ZNF787: variants seen among roughly 807,000 people sequenced by gnomAD.
ZNF787 encodes TTF-I-interacting peptide 20.
Under a neutral mutation model 16.9 loss-of-function variants are expected in ZNF787, and 7 were observed. That is an observed-to-expected ratio of 0.42 (90% confidence interval 0.24 to 0.78). The LOEUF is 0.78. Ranked by LOEUF, ZNF787 falls within the 30% of genes least tolerant of loss-of-function variation. The pLI is 0.30. For missense variants in ZNF787, 551 were observed against 589.3 expected (o/e 0.94, Z 0.67); for synonymous variants, 345 against 270.9 (o/e 1.27, Z -2.69).
At position 56,089,062 on chromosome 19, in the gene ZNF787, A is replaced by T. The variant is rs1985470020; in HGVS notation, c.110T>A (p.Val37Asp). The part of the protein sequence containing the change: ...VDILIMDDDD[V>D]PSWPPTKLSP... ...CAGCTTGGTGGGAGGCCAGCTGGGG[A>T]CGTCGTCATCATCCATGATGAGGAT... is the stretch of plus-strand genomic sequence containing the variant. The change falls in exon 3 of 3, where the codon GTC becomes GAC. Residue 37 changes from valine (V) to aspartate (D), a missense_variant. Physicochemically the swap from Val to Asp is radical, Grantham distance 152. Transcript: ENST00000610935. 1 of 1,466,368 alleles carries T rather than the reference A, an allele frequency of 6.8e-7. No individual in the cohort carries two copies. Among genetic ancestry groups the T allele is most frequent in the Non-Finnish European group, 9.0e-7 (1 of 1,111,626 alleles). The allele number at this position is 1,466,368 out of a possible 1,614,324, so 90.8% of individuals were successfully genotyped here.
intron 2 of ZNF787, among the ~76,000 whole-genome samples, chr19:56,096,093 A>G (rs1255181113): frequency 6.6e-6 from 1 of 152,016 alleles, no homozygotes; most frequent in African/African-American, 2.4e-5. Flanking sequence ...CCATCACCCA[A>G]CACTCAGAAC....
chr19:56,117,023 G>A (rs2030155963), intron 1 of ZNF787, among the ~76,000 whole-genome samples: 1 of 152,174 alleles, frequency 6.6e-6, no homozygotes, highest in Non-Finnish European at 1.5e-5. Context: ...GGGACAAGAG[G>A]ACAGCCGTTC....
At position 56,087,945 on chromosome 19, in the gene ZNF787, T is replaced by TG; in HGVS notation, c.*77dup. The TG allele has an allele frequency of 5.4e-6, 7 of 1,292,074 alleles. No homozygotes were observed. The highest frequency in any genetic ancestry group is 6.9e-6 in the Non-Finnish European group (7 of 1,021,146). 80.0% of individuals were successfully genotyped at this position (1,292,074 alleles called of 1,614,324 possible). On this transcript the variant is annotated 3_prime_UTR_variant, in exon 3 of 3. Coordinates refer to ENST00000610935, the MANE Select transcript of ZNF787 (RefSeq NM_001002836.4). ...CCATCGCACCCCGTCCGCTTCTCCC[T>TG]GGGTCTCTTGGTCTTGCACGTCGTC...
chr19:56,098,499 C>T (rs964115731), intron 2 of ZNF787, among the ~76,000 whole-genome samples: 1 of 143,398 alleles, frequency 7.0e-6, no homozygotes, highest in Non-Finnish European at 1.5e-5. Flanking sequence ...CGGGTGATTA[C>T]GGCCGCAGGG....
chr19:56,087,877 CGCAGGGACAGAGGAGG>C lies in ZNF787; in HGVS notation c.*130_*145del. ...CGCCCCAGTGCCCCCCCACGGACGG[CGCAGGGACAGAGGAGG>C]GCGGGGAGCCGGGGATGCCGCGGGG... On this transcript the variant is annotated 3_prime_UTR_variant, in exon 3 of 3. Coordinates refer to ENST00000610935, the MANE Select transcript of ZNF787 (RefSeq NM_001002836.4). 8.0e-7 allele frequency: 1 copy of C among 1,245,124 alleles called. No individual in the cohort carries two copies. Among genetic ancestry groups the C allele is most frequent in the South Asian group, 2.4e-5 (1 of 42,028 alleles). 77.1% of individuals were successfully genotyped at this position (1,245,124 alleles called of 1,614,324 possible).
intron 1 of ZNF787, among the ~76,000 whole-genome samples, chr19:56,110,395 AT>A (rs1368314286): frequency 6.6e-6 from 1 of 152,112 alleles, no homozygotes; most frequent in Non-Finnish European, 1.5e-5. Context: ...GAAAAACGAA[AT>A]GTTGTAATAC....
At chr19:56,096,971 G>A (rs1170303696) in intron 2 of ZNF787, among the ~76,000 whole-genome samples, 1 of 152,092 alleles carries the variant, frequency 6.6e-6, no homozygotes, top group East Asian at 1.9e-4. Context: ...AACTCCATCT[G>A]GGGTCATCAG....
In ZNF787 at chr19:56,088,415, C is replaced by A; in HGVS notation, c.757G>T (p.Ala253Ser). The part of the protein sequence containing the change: ...IIVVGAPGEG[A>S]AAAAAMAGAG... ...CCCGCCATGGCTGCCGCGGCCGCGG[C>A]CCCCTCGCCCGGCGCGCCCACCACG... The change falls in exon 3 of 3, where the codon GCC becomes TCC. Residue 253 changes from alanine (A) to serine (S), a missense_variant. Around this residue, in one of 4 missense-constraint regions of ZNF787, gnomAD observed 392 missense variants for 312.7 expected, o/e 1.25. Coordinates refer to ENST00000610935, the MANE Select transcript of ZNF787 (RefSeq NM_001002836.4). The surrounding 1 kb of genome is among the most constrained non-coding windows in gnomAD (Gnocchi z 8.6). 1.8e-6 allele frequency: 2 copies of A among 1,138,758 alleles called. No individual in the cohort carries two copies. The highest frequency in any genetic ancestry group is 9.2e-5 in the East Asian group (2 of 21,834). The allele number at this position is 1,138,758 out of a possible 1,614,324, so 70.5% of individuals were successfully genotyped here.
chr19:56,095,206 G>T (rs1218434435), intron 2 of ZNF787, among the ~76,000 whole-genome samples: 1 of 152,168 alleles, frequency 6.6e-6, no homozygotes, highest in African/African-American at 2.4e-5. Flanking sequence ...CGCTGACCTG[G>T]CAGAAGGCGG....
At chr19:56,090,370 A>G (rs1237699818) in intron 2 of ZNF787, among the ~76,000 whole-genome samples, 1 of 152,164 alleles carries the variant, frequency 6.6e-6, no homozygotes, top group African/African-American at 2.4e-5. Flanking sequence ...GAAGCGCATT[A>G]GTAGACTGGG....
chr19:56,103,032 C>G (rs559388281), intron 2 of ZNF787, 107 bp downstream of exon 2: 2 of 1,330,230 alleles, frequency 1.5e-6, no homozygotes, highest in Non-Finnish European at 2.1e-6. Flanking sequence ...CCCAGGGCCC[C>G]AAGAGGGGAA....
intron 1 of ZNF787, among the ~76,000 whole-genome samples, chr19:56,108,257 C>A (rs866861670): frequency 4.6e-5 from 7 of 150,640 alleles, no homozygotes; most frequent in Middle Eastern, 3.4e-3. Flanking sequence ...CGCCCCTGCC[C>A]AGCACTCCCT....
intron 1 of ZNF787, among the ~76,000 whole-genome samples, chr19:56,106,225 C>CT (rs769280508): frequency 1.3e-5 from 2 of 152,162 alleles, no homozygotes; most frequent in Non-Finnish European, 2.9e-5. Flanking sequence ...TCCTGCGTGT[C>CT]TGACTCTTCC....
chr19:56,112,573 G>A (rs756087914), intron 1 of ZNF787, among the ~76,000 whole-genome samples: 47 of 132,088 alleles, frequency 3.6e-4, no homozygotes, highest in East Asian at 3.5e-3. Context: ...CCGCACTCTC[G>A]GAAGCAACTC....
chr19:56,108,678 G>A (rs937838878), intron 1 of ZNF787, among the ~76,000 whole-genome samples: 7 of 152,078 alleles, frequency 4.6e-5, no homozygotes, highest in Admixed American at 1.3e-4. Flanking sequence ...CACACAAACA[G>A]GTAGGTCTGG....
chr19:56,109,617 T>G (rs903135013), intron 1 of ZNF787, among the ~76,000 whole-genome samples: 1 of 152,178 alleles, frequency 6.6e-6, no homozygotes, highest in Non-Finnish European at 1.5e-5. Flanking sequence ...TTTGTGGCCG[T>G]GCGCAGCGGC....
At position 56,088,364 on chromosome 19, in the gene ZNF787, G is replaced by A. The variant is rs1254974397; in HGVS notation, c.808C>T (p.Arg270Trp). The A allele has an allele frequency of 4.7e-6, 5 of 1,075,144 alleles. No homozygotes were observed. Among genetic ancestry groups the A allele is most frequent in the Non-Finnish European group, 4.6e-6 (4 of 874,934 alleles). The allele number at this position is 1,075,144 out of a possible 1,614,324, so 66.6% of individuals were successfully genotyped here. A position where few individuals can be genotyped will look rare whatever the true frequency, so the allele number is the denominator to read the frequency against. ...AGAGAKAAGP[R>W]SRRAPAPKPY... Reference sequence around the variant, plus strand: ...TTGGGGGCCGGGGCGCGCCGCGACCGGGGCCCCGCGGCCTTTGCCCCCGCG... The same window carrying A: ...TTGGGGGCCGGGGCGCGCCGCGACCAGGGCCCCGCGGCCTTTGCCCCCGCG... The change falls in exon 3 of 3, where the codon CGG becomes TGG. Residue 270 changes from arginine (R) to tryptophan (W), a missense_variant. By Grantham distance (101) the Arg-to-Trp change is moderately radical. Around this residue, in one of 4 missense-constraint regions of ZNF787, gnomAD observed 392 missense variants for 312.7 expected, o/e 1.25. Coordinates refer to ENST00000610935, the MANE Select transcript of ZNF787 (RefSeq NM_001002836.4). This position sits in a 1 kb window ranked among gnomAD's most constrained non-coding sequence, Gnocchi z 8.6.
At chr19:56,102,760 G>GC in intron 2 of ZNF787, 1 of 601,646 alleles carries the variant, frequency 1.7e-6, no homozygotes, top group Non-Finnish European at 3.0e-6. Context: ...GCCAGGGAGG[G>GC]CCACAGGCCC....
At position 56,088,542 on chromosome 19, in the gene ZNF787, G is replaced by T. The variant is rs1298044784; in HGVS notation, c.630C>A (p.Ala210=). ...HPELSGPGVA[A]KVLAASVRRA... ...GCCGGACGCTAGCCGCCAGCACCTT[G>T]GCCGCCACGCCAGGCCCCGACAGCT... The change falls in exon 3 of 3, where the codon GCC becomes GCA. Residue 210 remains alanine, a synonymous_variant. Transcript: ENST00000610935. The surrounding 1 kb of genome is among the most constrained non-coding windows in gnomAD (Gnocchi z 8.6). The T allele has an allele frequency of 6.9e-7, 1 of 1,458,484 alleles. No individual in the cohort carries two copies. Among genetic ancestry groups the T allele is most frequent in the Non-Finnish European group, 9.0e-7 (1 of 1,114,714 alleles). 90.3% of individuals were successfully genotyped at this position (1,458,484 alleles called of 1,614,324 possible).
Sources: allele counts gnomAD v4.1 joint callset (sites outside exome capture counted in the v4.1 genomes callset), GRCh38; gene constraint gnomAD v4.1.1; regional missense constraint gnomAD v4.1.1; non-coding constraint Gnocchi (gnomAD v3.1); transcripts MANE v1.5; gene names NCBI Gene and HGNC (gene_info 2026-07-23, HGNC 2026-07-21).